Variants in UVRAG observed in about 807,000 individuals in gnomAD.
The protein encoded by UVRAG is UV radiation resistance-associated gene protein.
UVRAG carries 19 observed loss-of-function variants against 78.0 expected under a neutral mutation model. The observed-to-expected ratio is 0.24, with a 90% CI of 0.17 to 0.36. The LOEUF is 0.36. UVRAG is among the 10% of genes least tolerant of loss of function. UVRAG has a pLI of 1.00. For missense variants in UVRAG, 740 were observed against 853.8 expected (o/e 0.87, Z 1.66); for synonymous variants, 323 against 324.6 (o/e 1.00, Z 0.05).
chr11:75,820,050 C>T (rs1039385199), intron 1 of UVRAG, among the ~76,000 whole-genome samples: 2 of 152,134 alleles, frequency 1.3e-5, no homozygotes, highest in Admixed American at 6.5e-5. Context: ...GCAGTTGGCT[C>T]ACTGAGGCCT....
At chr11:75,943,941 G>A (rs1396344090) in intron 6 of UVRAG, among the ~76,000 whole-genome samples, 1 of 152,084 alleles carries the variant, frequency 6.6e-6, no homozygotes, top group Non-Finnish European at 1.5e-5. Flanking sequence ...ATCCATCAAC[G>A]AGTATTTGAG....
intron 1 of UVRAG, among the ~76,000 whole-genome samples, chr11:75,847,998 T>C (rs2134726381): frequency 6.7e-6 from 1 of 149,910 alleles, no homozygotes; most frequent in South Asian, 2.1e-4. Context: ...AAAGGATTTA[T>C]TAGCACGGGC....
chr11:75,833,164 A>G (rs1001735496), intron 1 of UVRAG, among the ~76,000 whole-genome samples: 2 of 152,084 alleles, frequency 1.3e-5, no homozygotes, highest in African/African-American at 4.8e-5. Context: ...TTATTTTATA[A>G]ATTTCTGTTT....
intron 8 of UVRAG, among the ~76,000 whole-genome samples, chr11:75,992,199 G>A (rs545135185): frequency 6.6e-6 from 1 of 152,272 alleles, no homozygotes; most frequent in East Asian, 1.9e-4. Flanking sequence ...ACTGTGCTGC[G>A]AAGGGAGATT....
intron 8 of UVRAG, among the ~76,000 whole-genome samples, chr11:76,001,801 A>G (rs1591117351): frequency 6.6e-6 from 1 of 152,188 alleles, no homozygotes; most frequent in Non-Finnish European, 1.5e-5. Context: ...AAAGGAGTTA[A>G]TGATTCTTTA....
At chr11:75,867,767 A>G (rs541592763) in intron 3 of UVRAG, among the ~76,000 whole-genome samples, 2 of 152,338 alleles carry the variant, frequency 1.3e-5, no homozygotes, top group South Asian at 4.1e-4. Flanking sequence ...CATGGTTGTG[A>G]ACACTTGATT....
chr11:76,062,513 C>A (rs766499789), intron 12 of UVRAG, among the ~76,000 whole-genome samples: 15 of 152,132 alleles, frequency 9.9e-5, no homozygotes, highest in Admixed American at 3.3e-4. Flanking sequence ...AAAACGAATT[C>A]TTTTTCTCTC....
intron 13 of UVRAG, among the ~76,000 whole-genome samples, chr11:76,092,010 G>A (rs1951708415): frequency 6.6e-6 from 1 of 151,718 alleles, no homozygotes; most frequent in South Asian, 2.1e-4. Context: ...ACAGGCCCCG[G>A]CGTGTGATAT....
In UVRAG at chr11:76,140,669, T is replaced by A. The variant is rs745410846; in HGVS notation, c.1398-42T>A. 11 of 1,527,146 alleles carry A rather than the reference T, an allele frequency of 7.2e-6. No individual in the cohort carries two copies. In the African/African-American group the frequency reaches 1.5e-4, roughly 21 times the overall value. The allele number at this position is 1,527,146 out of a possible 1,614,324, so 94.6% of individuals were successfully genotyped here. On this transcript the variant is annotated intron_variant, in intron 14 of 14. Transcript: ENST00000356136. ...TGGATCCAGAAGGCTTACACTGAGT[T>A]CTGAAGTCCAAAGTAACTTCTTGTT...
At chr11:76,064,855 C>T (rs1263426230) in intron 12 of UVRAG, among the ~76,000 whole-genome samples, 4 of 152,112 alleles carry the variant, frequency 2.6e-5, no homozygotes, top group South Asian at 4.1e-4. Flanking sequence ...AATTGTATAT[C>T]GCAGAAGTAA....
chr11:76,133,270 C>T (rs144863242), intron 14 of UVRAG, among the ~76,000 whole-genome samples: 2 of 152,144 alleles, frequency 1.3e-5, no homozygotes, highest in African/African-American at 2.4e-5. Flanking sequence ...GAAGAGGACA[C>T]CTAGGTTGGG....
intron 8 of UVRAG, among the ~76,000 whole-genome samples, chr11:75,984,937 C>T (rs1292167429): frequency 6.6e-6 from 1 of 152,062 alleles, no homozygotes; most frequent in Non-Finnish European, 1.5e-5. Flanking sequence ...CATGAACCTT[C>T]TAGGTTTCTG....
At chr11:75,907,737 C>T (rs146573302) in intron 5 of UVRAG, among the ~76,000 whole-genome samples, 92 of 151,730 alleles carry the variant, frequency 6.1e-4, no homozygotes, top group African/African-American at 1.7e-3. Flanking sequence ...CTGTATTGTC[C>T]AGGCTGGTCT....
At chr11:75,961,980 A>G (rs1459890331) in intron 7 of UVRAG, among the ~76,000 whole-genome samples, 1 of 152,160 alleles carries the variant, frequency 6.6e-6, no homozygotes, top group Non-Finnish European at 1.5e-5. Context: ...ACTCTTATTA[A>G]GGAGGCATTT....
At chr11:76,025,226 T>C (rs1950307543) in intron 12 of UVRAG, among the ~76,000 whole-genome samples, 1 of 152,172 alleles carries the variant, frequency 6.6e-6, no homozygotes, top group Admixed American at 6.6e-5. Context: ...AGAGTCCAGC[T>C]GCAGTGTTCC....
Position 75,977,817 on chromosome 11 carries a change from C to T in UVRAG, c.700-5570C>T, listed in dbSNP as rs1448981180. Among the ~76,000 whole-genome samples the T allele has an allele frequency of 2.0e-5, 3 of 151,920 alleles. No individual in the cohort carries two copies. In the South Asian group the frequency reaches 6.2e-4, roughly 32 times the overall value. ...TACAGCACACTTATGGGTCTTGACT[C>T]CATCCTATTTGCCAGTCTGTGTCTT... On this transcript the variant is annotated intron_variant, in intron 7 of 14. Coordinates refer to ENST00000356136, the MANE Select transcript of UVRAG (RefSeq NM_003369.4).
At chr11:75,838,837 G>A (rs1006434804) in intron 1 of UVRAG, 3 of 152,186 alleles carry the variant, frequency 2.0e-5, no homozygotes, top group Non-Finnish European at 2.9e-5. Context: ...CTGATGAGTG[G>A]ATTAATCCAT....
chr11:75,866,210 C>T (rs912998549), intron 3 of UVRAG, among the ~76,000 whole-genome samples: 3 of 136,264 alleles, frequency 2.2e-5, no homozygotes, highest in Admixed American at 6.9e-5. Flanking sequence ...GAGTGAGACC[C>T]TGTCTCAAAG....
chr11:75,898,605 A>T (rs1362180302), intron 5 of UVRAG, among the ~76,000 whole-genome samples: 1 of 152,154 alleles, frequency 6.6e-6, no homozygotes, highest in Non-Finnish European at 1.5e-5. Flanking sequence ...ATAGACGTGC[A>T]CTTTCTTCGT....
Sources: gnomAD v4.1 joint callset for allele counts (sites outside exome capture counted in the v4.1 genomes callset) on GRCh38, gnomAD v4.1.1 for gene constraint, MANE v1.5 for transcripts, NCBI Gene and HGNC (gene_info 2026-07-23, HGNC 2026-07-21) for gene names.